Variants in GRID2 observed in about 807,000 individuals in gnomAD.
GRID2 encodes the protein glutamate ionotropic receptor delta type subunit 2.
Under a neutral mutation model 114.8 loss-of-function variants are expected in GRID2, and 33 were observed. The ratio of observed to expected loss-of-function variants is 0.29; its 90% CI spans 0.22 to 0.38. GRID2 has a LOEUF of 0.38. Ranked by LOEUF, GRID2 falls within the 10% of genes least tolerant of loss-of-function variation. The pLI, the probability that GRID2 is intolerant of heterozygous loss-of-function variation, is 1.00. For synonymous variants in GRID2, 505 were observed against 449.9 expected, an observed-to-expected ratio of 1.12 and a Z score of -1.55; for missense variants, 1,184 against 1,257.7, an observed-to-expected ratio of 0.94 and a Z score of 0.89.
chr4:93,751,017 A>C (rs536890613), intron 14 of GRID2, among the ~76,000 whole-genome samples: 2 of 152,210 alleles, frequency 1.3e-5, no homozygotes, highest in Non-Finnish European at 2.9e-5. Flanking sequence ...CTGAGGGTCC[A>C]TTATGCTACA....
At chr4:93,028,465 A>T (rs1310288466) in intron 2 of GRID2, among the ~76,000 whole-genome samples, 1 of 152,034 alleles carries the variant, frequency 6.6e-6, no homozygotes, top group Non-Finnish European at 1.5e-5. Context: ...CCAAAAGGTA[A>T]ATTACCTAGC....
At chr4:93,795,962 T>G (rs1734791689) in intron 1 of GRID2, among the ~76,000 whole-genome samples, 1 of 152,156 alleles carries the variant, frequency 6.6e-6, no homozygotes, top group East Asian at 1.9e-4. Flanking sequence ...TGAGCCGCCT[T>G]TCTGGAGCCC....
chr4:93,756,177 A>C (rs1732733401), intron 14 of GRID2, among the ~76,000 whole-genome samples: 1 of 152,336 alleles, frequency 6.6e-6, no homozygotes, highest in East Asian at 1.9e-4. Flanking sequence ...CATACATTCT[A>C]AAGCTTCTGG....
At chr4:93,037,545 T>C (rs945448295) in intron 2 of GRID2, among the ~76,000 whole-genome samples, 1 of 152,172 alleles carries the variant, frequency 6.6e-6, no homozygotes, top group Non-Finnish European at 1.5e-5. Flanking sequence ...ATTGCCTAGG[T>C]TTTCTTCTAG....
chr4:92,425,250 G>A (rs1203704624), intron 1 of GRID2, among the ~76,000 whole-genome samples: 4 of 151,890 alleles, frequency 2.6e-5, no homozygotes, highest in Non-Finnish European at 1.5e-5. Context: ...CTAAAGGGTG[G>A]CTCGTTTAGA....
intron 2 of GRID2, among the ~76,000 whole-genome samples, chr4:92,767,204 G>T (rs540906854): frequency 6.6e-6 from 1 of 152,320 alleles, no homozygotes; most frequent in African/African-American, 2.4e-5. Context: ...ACCCTTGAAA[G>T]CAATATCTGG....
chr4:93,519,759 A>G (rs948005292), intron 13 of GRID2, among the ~76,000 whole-genome samples: 7 of 152,204 alleles, frequency 4.6e-5, no homozygotes, highest in Non-Finnish European at 8.8e-5. Context: ...ACTCAAATGG[A>G]TACCATAGTA....
chr4:92,482,815 TAAAC>T (rs1486886951), intron 1 of GRID2, among the ~76,000 whole-genome samples: 23 of 152,186 alleles, frequency 1.5e-4, no homozygotes, highest in Non-Finnish European at 2.9e-4. Flanking sequence ...ATACATCACT[TAAAC>T]AATGTATTAT....
chr4:92,903,870 G>C (rs1334844246), intron 2 of GRID2, among the ~76,000 whole-genome samples: 2 of 151,904 alleles, frequency 1.3e-5, no homozygotes, highest in African/African-American at 2.4e-5. Context: ...GTATAAATTG[G>C]AGGCAATAGG....
intron 2 of GRID2, among the ~76,000 whole-genome samples, chr4:92,954,653 T>C (rs1263256573): frequency 6.7e-5 from 10 of 149,876 alleles, no homozygotes; most frequent in Admixed American, 5.3e-4. Context: ...TTAGGGTACA[T>C]GTGCACATTG....
At chr4:92,881,133 C>T (rs1162865481) in intron 2 of GRID2, among the ~76,000 whole-genome samples, 5 of 152,122 alleles carry the variant, frequency 3.3e-5, no homozygotes, top group Non-Finnish European at 7.4e-5. Flanking sequence ...CAAAGCCTGA[C>T]CTCAGGTGAT....
rs943229329 is a variant in GRID2, at chr4:92,939,014, G to A, written c.245-145981G>A. Reference sequence around the variant, plus strand: ...AGTCTTTGCTATTGTGAATAGTGCCGCAATAAACATACATGTGTGGGTGTC... The same window carrying A: ...AGTCTTTGCTATTGTGAATAGTGCCACAATAAACATACATGTGTGGGTGTC... On this transcript the variant is annotated intron_variant, in intron 2 of 15. Coordinates refer to ENST00000282020, the MANE Select transcript of GRID2 (RefSeq NM_001510.4). 3.4e-5 allele frequency among the ~76,000 whole-genome samples: 5 copies of A among 146,594 alleles called. 1 individual carries two copies. Among genetic ancestry groups the A allele is most frequent in the South Asian group, 2.3e-4 (1 of 4,332 alleles).
In GRID2 at chr4:92,621,183, A is replaced by G. The variant is rs538471995; in HGVS notation, c.244+30897A>G. ...ATTTTAAACCCAGCATCCATTAGCT[A>G]TTCTTCCTGATGTTAGATTAGAGCT... On this transcript the variant is annotated intron_variant, in intron 2 of 15. Coordinates refer to ENST00000282020, the MANE Select transcript of GRID2 (RefSeq NM_001510.4). Among the ~76,000 whole-genome samples the G allele has an allele frequency of 2.0e-5, 3 of 151,798 alleles. No homozygotes were observed. In the East Asian group the frequency reaches 5.9e-4, roughly 30 times the overall value.
At chr4:92,553,336 A>T (rs1272210375) in intron 1 of GRID2, among the ~76,000 whole-genome samples, 1 of 152,142 alleles carries the variant, frequency 6.6e-6, no homozygotes, top group Non-Finnish European at 1.5e-5. Flanking sequence ...ATAGGAAAGG[A>T]TAATTCATAT....
intron 1 of GRID2, among the ~76,000 whole-genome samples, chr4:92,348,938 G>A (rs1334306190): frequency 6.6e-6 from 1 of 151,816 alleles, no homozygotes; most frequent in Non-Finnish European, 1.5e-5. Context: ...TAAATTGGTG[G>A]ACCTAAGAGA....
intron 1 of GRID2, among the ~76,000 whole-genome samples, chr4:92,453,210 T>G (rs1466801583): frequency 2.0e-5 from 3 of 152,170 alleles, no homozygotes; most frequent in South Asian, 2.1e-4. Flanking sequence ...ATTGAAGCAG[T>G]TCTGATCCCT....
chr4:92,606,950 C>T (rs1331788665), intron 2 of GRID2, among the ~76,000 whole-genome samples: 2 of 151,990 alleles, frequency 1.3e-5, no homozygotes, highest in African/African-American at 2.4e-5. Flanking sequence ...TGTTCATGGA[C>T]ACTTTAATGT....
intron 13 of GRID2, among the ~76,000 whole-genome samples, chr4:93,576,466 A>T (rs1382923651): frequency 1.3e-5 from 2 of 152,238 alleles, no homozygotes; most frequent in East Asian, 3.8e-4. Flanking sequence ...AGAAGTTGAA[A>T]TAGTCAATAT....
At chr4:92,430,581 A>C (rs1259173219) in intron 1 of GRID2, among the ~76,000 whole-genome samples, 1 of 152,078 alleles carries the variant, frequency 6.6e-6, no homozygotes, top group Admixed American at 6.6e-5. Context: ...GGATAGCTTT[A>C]GCTATCCTGT....
Sources: gnomAD v4.1 joint callset for allele counts (sites outside exome capture counted in the v4.1 genomes callset) on GRCh38, gnomAD v4.1.1 for gene constraint, MANE v1.5 for transcripts, NCBI Gene and HGNC (gene_info 2026-07-23, HGNC 2026-07-21) for gene names.